Variants in FNDC1 observed in about 807,000 individuals in gnomAD.
FNDC1 encodes the protein fibronectin type III domain-containing protein 1.
Under a neutral mutation model 168.0 loss-of-function variants are expected in FNDC1, and 96 were observed. The ratio of observed to expected loss-of-function variants is 0.57; its 90% CI spans 0.48 to 0.68. The LOEUF (loss-of-function observed/expected upper bound fraction) is 0.68. Among genes scored for constraint, FNDC1 ranks in the 30% least tolerant of loss-of-function variants. The probability of loss-of-function intolerance (pLI) is 0.00; values close to 1 mark genes in which losing one functional copy is unlikely to be tolerated. For synonymous variants in FNDC1, 1,099 were observed against 1,025.9 expected (o/e 1.07, Z -1.36); for missense variants, 2,587 against 2,482.1 (o/e 1.04, Z -0.90).
At chr6:159,238,855 C>G (rs1783329892) in intron 13 of FNDC1, among the ~76,000 whole-genome samples, 190 bp downstream of exon 13, 1 of 152,188 alleles carries the variant, frequency 6.6e-6, no homozygotes, top group Admixed American at 6.5e-5. Flanking sequence ...TCTCTTCCTG[C>G]AGGCTGCACC....
At chr6:159,221,576 T>A in intron 5 of FNDC1, 22 bp from the exon 6 acceptor site, 1 of 1,593,168 alleles carries the variant, frequency 6.3e-7, no homozygotes, top group Non-Finnish European at 8.6e-7. Context: ...CAGAATCTCA[T>A]CCCTCACTCC....
At chr6:159,171,741 C>T (rs1297046076) in intron 1 of FNDC1, among the ~76,000 whole-genome samples, 1 of 152,170 alleles carries the variant, frequency 6.6e-6, no homozygotes, top group Non-Finnish European at 1.5e-5. Context: ...ATGGCCTTGC[C>T]AGTCTGGTAT....
chr6:159,265,684 C>T (rs1777577226), intron 20 of FNDC1, among the ~76,000 whole-genome samples: 1 of 152,182 alleles, frequency 6.6e-6, no homozygotes, highest in Admixed American at 6.5e-5. Flanking sequence ...AATCCTAGCA[C>T]TTTGGGAGGC....
intron 1 of FNDC1, among the ~76,000 whole-genome samples, chr6:159,173,449 C>T (rs929277650): frequency 2.0e-5 from 3 of 152,188 alleles, no homozygotes; most frequent in Non-Finnish European, 4.4e-5. Flanking sequence ...CTGGCACCCG[C>T]CAATGGCAGA....
At chr6:159,240,028 C>A in intron 14 of FNDC1, 71 bp downstream of exon 14, 3 of 1,360,892 alleles carry the variant, frequency 2.2e-6, no homozygotes, top group Non-Finnish European at 2.9e-6. Flanking sequence ...AGCAGGGTGG[C>A]AGAGCCTGCA....
chr6:159,180,058 A>G (rs1011837922), intron 1 of FNDC1, among the ~76,000 whole-genome samples: 6 of 152,210 alleles, frequency 3.9e-5, no homozygotes, highest in African/African-American at 1.4e-4. Context: ...CTGTAATAAA[A>G]TACCACAAAC....
chr6:159,266,338 T>C, intron 21 of FNDC1, 93 bp downstream of exon 21: 1 of 1,335,696 alleles, frequency 7.5e-7, no homozygotes, highest in South Asian at 1.3e-5. Context: ...GGAATGTTTA[T>C]GAGGGCTGGA....
rs374074973 is a variant in FNDC1, at chr6:159,232,989, C to A, written c.2477C>A (p.Ala826Asp). The A allele has an allele frequency of 8.7e-4, 1,406 of 1,612,230 alleles. 18 individuals are homozygous for A. The South Asian group carries it at 0.014, about 17-fold the overall frequency. ...CATTTGCTCAGACACAAACCCTTTG[C>A]TGCCAACGGGAGGTCTCCAAGCAGG... ...HFHLLRHKPF[A>D]ANGRSPSRFS... The change falls in exon 11 of 23, where the codon GCT (alanine) becomes GAT (aspartate). Residue 826 changes from alanine to aspartate, a missense_variant. By Grantham distance (126) the Ala-to-Asp change is moderately radical. Transcript: ENST00000297267. This position sits in a 1 kb window ranked among gnomAD's most constrained non-coding sequence, Gnocchi z 4.9.
In FNDC1 at chr6:159,169,691, C is replaced by T. The variant is rs1173371433; in HGVS notation, c.95C>T (p.Ser32Leu). 2.6e-6 allele frequency: 3 copies of T among 1,159,146 alleles called. No individual in the cohort carries two copies. The highest frequency in any genetic ancestry group is 4.7e-5 in the Admixed American group (1 of 21,250). The allele number at this position is 1,159,146 out of a possible 1,614,324, so 71.8% of individuals were successfully genotyped here. The change falls in exon 1 of 23, where the codon TCG (serine) becomes TTG (leucine). Residue 32 changes from serine (S) to leucine (L), a missense_variant. Coordinates refer to ENST00000297267, the MANE Select transcript of FNDC1 (RefSeq NM_032532.3). This position sits in a 1 kb window ranked among gnomAD's most constrained non-coding sequence, Gnocchi z 6.8. Reference sequence around the variant, plus strand: ...GCCGCGCTGCTCCCCGTCGCCTCCTCGGCGGCGGCCTCAGGTACGCGCCGC... The same window carrying T: ...GCCGCGCTGCTCCCCGTCGCCTCCTTGGCGGCGGCCTCAGGTACGCGCCGC... Reference protein sequence around the residue: ...LLAALLPVASSAAASVDHPLK... With the variant: ...LLAALLPVASLAAASVDHPLK...
intron 4 of FNDC1, among the ~76,000 whole-genome samples, chr6:159,213,427 C>T (rs144476537): frequency 8.7e-4 from 132 of 152,278 alleles, no homozygotes; most frequent in Non-Finnish European, 1.5e-3. Flanking sequence ...CAGCTTATTA[C>T]GGTTGAGTGT....
At chr6:159,200,477 C>A in intron 3 of FNDC1, 36 bp from the exon 4 acceptor site, 1 of 1,526,316 alleles carries the variant, frequency 6.6e-7, no homozygotes. Context: ...CAACAGTCCT[C>A]GTTTCTAACT....
intron 1 of FNDC1, among the ~76,000 whole-genome samples, chr6:159,192,111 C>T (rs940932784): frequency 1.4e-4 from 21 of 152,134 alleles, no homozygotes; most frequent in African/African-American, 4.1e-4. Context: ...CTCCTGGGCT[C>T]AGGTGATCCA....
intron 1 of FNDC1, among the ~76,000 whole-genome samples, chr6:159,192,274 CTA>C (rs1782157743): frequency 6.6e-6 from 1 of 152,132 alleles, no homozygotes; most frequent in African/African-American, 2.4e-5. Context: ...AATGAAGTAA[CTA>C]TATGTCATTA....
At chr6:159,173,037 G>GT (rs1207235499) in intron 1 of FNDC1, among the ~76,000 whole-genome samples, 1 of 152,120 alleles carries the variant, frequency 6.6e-6, no homozygotes, top group African/African-American at 2.4e-5. Context: ...GTTTATTATT[G>GT]TTTTTTAAAA....
In FNDC1 at chr6:159,267,871, C is replaced by T. The variant is rs1273957472; in HGVS notation, c.5514C>T (p.His1838=). The T allele has an allele frequency of 6.2e-7, 1 of 1,613,112 alleles. No homozygotes were observed. The highest frequency in any genetic ancestry group is 1.3e-5 in the African/African-American group (1 of 74,894). ...GEDHCQFVDS[H]LDGRTGPQSY... ...ACCATTGCCAATTTGTGGATTCACA[C>T]CTTGATGGAAGAACAGGGCCTCAGT... The change falls in exon 22 of 23, where the codon CAC becomes CAT. Residue 1838 remains histidine (H), a synonymous_variant. Transcript: ENST00000297267.
At chr6:159,268,068 A>G in intron 22 of FNDC1, 142 bp downstream of exon 22, 1 of 892,284 alleles carries the variant, frequency 1.1e-6, no homozygotes, top group Non-Finnish European at 1.7e-6. Context: ...AAAAATAAAT[A>G]AAATAAAGAA....
At chr6:159,176,103 T>C (rs1781754853) in intron 1 of FNDC1, among the ~76,000 whole-genome samples, 1 of 152,226 alleles carries the variant, frequency 6.6e-6, no homozygotes, top group Admixed American at 6.5e-5. Flanking sequence ...TCCCTTCATC[T>C]GGTTTATTAG....
At chr6:159,183,303 A>G (rs1160064965) in intron 1 of FNDC1, among the ~76,000 whole-genome samples, 1 of 152,114 alleles carries the variant, frequency 6.6e-6, no homozygotes, top group Non-Finnish European at 1.5e-5. Context: ...TTCAGCCTTG[A>G]CTTGACTTGA....
chr6:159,228,272 G>A (rs542216113), intron 9 of FNDC1, among the ~76,000 whole-genome samples: 44 of 152,158 alleles, frequency 2.9e-4, no homozygotes, highest in East Asian at 1.5e-3. Flanking sequence ...TGCTTAGGTC[G>A]TTTTTGTAAG....
Sources: allele counts gnomAD v4.1 joint callset (sites outside exome capture counted in the v4.1 genomes callset), GRCh38; gene constraint gnomAD v4.1.1; non-coding constraint Gnocchi (gnomAD v3.1); transcripts MANE v1.5; gene names NCBI Gene and HGNC (gene_info 2026-07-23, HGNC 2026-07-21).